Variants in PUDP observed in about 807,000 individuals in gnomAD.
PUDP encodes pseudouridine 5'-phosphatase, also known as pseudouridine-5'-phosphatase.
In PUDP, 8 loss-of-function variants were observed where a neutral mutation model predicts 9.4. The observed-to-expected ratio is 0.85, with a 90% CI of 0.50 to 1.53. The LOEUF is 1.53. Among genes scored for constraint, PUDP ranks in the 40% most tolerant of loss-of-function variants. The pLI is 0.00. For missense variants in PUDP, 188 were observed against 189.7 expected, an observed-to-expected ratio of 0.99 and a Z score of 0.05; for synonymous variants, 99 against 80.7, an observed-to-expected ratio of 1.23 and a Z score of -1.22.
At chrX:6,881,786 T>C (rs1271028652) in intron 3 of PUDP, among the ~76,000 whole-genome samples, 11 of 110,288 alleles carry the variant, frequency 1.0e-4, no homozygotes, top group Non-Finnish European at 1.9e-4. Flanking sequence ...CTAAGAATCA[T>C]GCAAGCACAA....
intron 1 of PUDP, among the ~76,000 whole-genome samples, chrX:7,010,522 G>C (rs1451524961): frequency 8.9e-6 from 1 of 111,807 alleles, no homozygotes; most frequent in Non-Finnish European, 1.9e-5. Flanking sequence ...CCTCTTATGG[G>C]AGACACAATT....
At chrX:6,978,537 T>C (rs1928987592) in intron 1 of PUDP, among the ~76,000 whole-genome samples, 1 of 112,189 alleles carries the variant, frequency 8.9e-6, no homozygotes, top group African/African-American at 3.2e-5. Flanking sequence ...AAAAGAGCAA[T>C]AGTTGACTCT....
At chrX:6,731,317 C>G (rs1429550532) in intron 3 of PUDP, among the ~76,000 whole-genome samples, 1 of 111,631 alleles carries the variant, frequency 9.0e-6, no homozygotes, top group Non-Finnish European at 1.9e-5. Flanking sequence ...AAACAATCCT[C>G]TCACCACAGC....
chrX:6,832,486 C>T (rs7883829), intron 3 of PUDP, among the ~76,000 whole-genome samples: 21,575 of 111,278 alleles, frequency 0.19, 1,679 homozygotes, highest in East Asian at 0.46. Context: ...TTGGCCACTA[C>T]CACTACTTGC....
At chrX:6,832,987 TAC>T (rs200319848) in intron 3 of PUDP, among the ~76,000 whole-genome samples, 6 of 106,082 alleles carry the variant, frequency 5.7e-5, no homozygotes, top group Non-Finnish European at 9.7e-5. Context: ...CTCTCTGACA[TAC>T]ACACACACAC....
chrX:6,890,351 A>T (rs779977682), intron 3 of PUDP, among the ~76,000 whole-genome samples: 17 of 111,870 alleles, frequency 1.5e-4, no homozygotes, highest in African/African-American at 4.9e-4. Context: ...CACACTACTG[A>T]TTCTGATTGA....
At chrX:6,977,726 G>A (rs1278060191) in intron 2 of PUDP, among the ~76,000 whole-genome samples, 2 of 112,237 alleles carry the variant, frequency 1.8e-5, no homozygotes, top group Non-Finnish European at 3.8e-5. Context: ...CCAGGAAAAA[G>A]AGGCTCTACC....
chrX:6,974,446 A>T (rs779730450), intron 3 of PUDP, among the ~76,000 whole-genome samples: 3 of 111,635 alleles, frequency 2.7e-5, no homozygotes, highest in Non-Finnish European at 5.6e-5. Context: ...TCTGTAAAGG[A>T]TTTTGTTTCT....
chrX:7,021,908 T>G (rs971651681), intron 1 of PUDP, among the ~76,000 whole-genome samples: 2 of 112,398 alleles, frequency 1.8e-5, no homozygotes, highest in African/African-American at 6.5e-5. Flanking sequence ...CAAAATTAAT[T>G]ACAGCATTAC....
upstream of PUDP, chrX:6,721,652 TA>T (rs1924674636): frequency 8.9e-6 from 1 of 112,223 alleles, no homozygotes; most frequent in African/African-American, 3.2e-5. Flanking sequence ...GAAATAACTT[TA>T]TGTGTTATAG....
chrX:7,116,262 G>A (rs1932190289), intron 1 of PUDP, among the ~76,000 whole-genome samples: 1 of 111,384 alleles, frequency 9.0e-6, no homozygotes, highest in African/African-American at 3.3e-5. Context: ...CATCTCATGG[G>A]ATTGGCTTGG....
At chrX:6,775,091 C>T (rs6654823) in intron 3 of PUDP, among the ~76,000 whole-genome samples, 5,060 of 111,953 alleles carry the variant, frequency 0.045, 269 homozygotes, top group African/African-American at 0.16. Flanking sequence ...TGCCTGTTAG[C>T]AGTCATTCCT....
At chrX:6,871,769 C>T (rs1927178632) in intron 3 of PUDP, among the ~76,000 whole-genome samples, 2 of 111,570 alleles carry the variant, frequency 1.8e-5, no homozygotes. Flanking sequence ...TAAATTTGAT[C>T]ACCTGTGGGA....
At chrX:6,840,050 A>G (rs1171339769) in intron 3 of PUDP, among the ~76,000 whole-genome samples, 2 of 111,488 alleles carry the variant, frequency 1.8e-5, no homozygotes, top group East Asian at 5.6e-4. Context: ...TGTAGCTCCC[A>G]TAATTCCCAT....
chrX:7,105,406 G>A (rs1225240889), intron 2 of PUDP, among the ~76,000 whole-genome samples: 2 of 110,822 alleles, frequency 1.8e-5, no homozygotes, highest in Non-Finnish European at 3.8e-5. Flanking sequence ...TGAAACTAAC[G>A]CATATTATTT....
At chrX:6,878,752 G>GT (rs1410353889) in intron 3 of PUDP, among the ~76,000 whole-genome samples, 5 of 107,457 alleles carry the variant, frequency 4.7e-5, no homozygotes, top group African/African-American at 1.3e-4. Context: ...TTTACATCCA[G>GT]TAACAGATGG....
At chrX:7,033,385 C>A (rs1929815650) in intron 1 of PUDP, among the ~76,000 whole-genome samples, 1 of 111,946 alleles carries the variant, frequency 8.9e-6, no homozygotes, top group African/African-American at 3.2e-5. Context: ...TTGAGTAATG[C>A]AGTTATGCAT....
rs183177668 is a variant in PUDP at position 6,887,042 on chromosome X, T to C, written c.*247+90091A>G. Among the ~76,000 whole-genome samples the C allele has an allele frequency of 2.7e-3, 284 of 105,932 alleles. 5 individuals carry two copies. The highest frequency in any genetic ancestry group is 0.023 in the Admixed American group (220 of 9,432). The allele number at this position is 105,932 out of a possible 115,157, so 92.0% of individuals were successfully genotyped here. On this transcript the variant is annotated intron_variant and NMD_transcript_variant, in intron 3 of 3. Transcript: ENST00000655425. ...ATATATTATATATCTATATGATAAA[T>C]TATATATGAATATATGATATATTAT...
At chrX:6,890,012 G>A (rs1357879429) in intron 3 of PUDP, among the ~76,000 whole-genome samples, 1 of 111,537 alleles carries the variant, frequency 9.0e-6, no homozygotes, top group Admixed American at 9.6e-5. Flanking sequence ...TGAAAGGTAA[G>A]ACAAGCACTA....
Sources: gnomAD v4.1 joint callset for allele counts (sites outside exome capture counted in the v4.1 genomes callset) on GRCh38, gnomAD v4.1.1 for gene constraint, MANE v1.5 for transcripts, NCBI Gene and HGNC (gene_info 2026-07-23, HGNC 2026-07-21) for gene names.